Variants in IGF2 observed in about 807,000 individuals in gnomAD.
IGF2 encodes the protein insulin like growth factor 2.
In IGF2, 2 loss-of-function variants were observed where a neutral mutation model predicts 12.0. The ratio of observed to expected loss-of-function variants is 0.17; its 90% CI spans 0.07 to 0.52. IGF2 has a LOEUF of 0.52. Among genes scored for constraint, IGF2 ranks in the 20% least tolerant of loss-of-function variants. The pLI is 0.95. For missense variants in IGF2, 211 were observed against 268.0 expected, an observed-to-expected ratio of 0.79 and a Z score of 1.48; for synonymous variants, 105 against 110.1, an observed-to-expected ratio of 0.95 and a Z score of 0.29.
chr11:2,139,015 G>A lies in IGF2; in HGVS notation c.-793C>T. 1.0e-6 allele frequency: 1 copy of A among 970,044 alleles called. No individual in the cohort carries two copies. Among genetic ancestry groups the A allele is most frequent in the Non-Finnish European group, 1.2e-6 (1 of 818,192 alleles). 60.1% of individuals were successfully genotyped at this position (970,044 alleles called of 1,614,324 possible). A position where few individuals can be genotyped will look rare whatever the true frequency, so the allele number is the denominator to read the frequency against. ...CCGCTCCGGGACGCAGCGCGGAAAG[G>A]GGAGCGGCCCGAGGCTGCGCGCCGG... On this transcript the variant is annotated 5_prime_UTR_variant, in exon 1 of 4. Coordinates refer to ENST00000416167, the MANE Select transcript of IGF2 (RefSeq NM_000612.6).
chr11:2,137,143 GGAGTGGGATGGCAGCGGGGGT>G (rs1859124916), intron 1 of IGF2: 2 of 801,432 alleles, frequency 2.5e-6, no homozygotes, highest in South Asian at 1.1e-4. Flanking sequence ...GCCTCAGGCT[GGAGTGGGATGGCAGCGGGGGT>G]CCTCACTCCA....
chr11:2,140,971 C>A, upstream of IGF2: 2 of 291,460 alleles, frequency 6.9e-6, no homozygotes, highest in Non-Finnish European at 1.3e-5. Flanking sequence ...CGGGGCCAGT[C>A]CTCAGTGTCC....
At chr11:2,140,604 G>GGAC (rs1311534304), upstream of IGF2, 4 of 508,950 alleles carry the variant, frequency 7.9e-6, no homozygotes, top group Non-Finnish European at 1.4e-5. Flanking sequence ...CCCCACTTTG[G>GGAC]GACCCTCCAG....
chr11:2,143,750 G>A (rs1459066339), upstream of IGF2, among the ~76,000 whole-genome samples: 7 of 152,380 alleles, frequency 4.6e-5, no homozygotes, highest in African/African-American at 1.7e-4. Context: ...GTGACCCGTC[G>A]AAATGGTGAG....
At chr11:2,140,138 C>T (rs763799600), upstream of IGF2, 3 of 1,612,794 alleles carry the variant, frequency 1.9e-6, no homozygotes, top group Admixed American at 3.3e-5. Flanking sequence ...ATCCTACCTG[C>T]ATGGCCGAGC....
chr11:2,149,046 C>T, the IGF2 span: 20 of 1,342,178 alleles, frequency 1.5e-5, no homozygotes, highest in East Asian at 4.4e-4. Context: ...TGGCAGCTGC[C>T]CCAAGCTCCC....
chr11:2,133,508 G>A lies in IGF2; in HGVS notation c.306+9C>T, dbSNP rs771770531. ...TCTAGAGAGTGGGAAAGGGGCCCAG[G>A]ACCCTCACCGGAAGCACGGTCGGAG... On this transcript the variant is annotated intron_variant, in intron 3 of 3. Coordinates refer to ENST00000416167, the MANE Select transcript of IGF2 (RefSeq NM_000612.6). The surrounding 1 kb of genome is among the most constrained non-coding windows in gnomAD (Gnocchi z 8.9). 8 of 1,609,260 alleles carry A rather than the reference G, an allele frequency of 5.0e-6. No individual in the cohort carries two copies. The highest frequency in any genetic ancestry group is 4.4e-5 in the South Asian group (4 of 90,560).
the IGF2 span, chr11:2,148,906 C>T: frequency 1.7e-6 from 1 of 593,050 alleles, no homozygotes; most frequent in Non-Finnish European, 3.0e-6. The surrounding 1 kb of genome is among the most constrained non-coding windows in gnomAD (Gnocchi z 4.3). Flanking sequence ...TTTGTGCAGC[C>T]CTAAAGGAGA....
chr11:2,137,375 G>A (rs544775007), intron 1 of IGF2: 4 of 391,956 alleles, frequency 1.0e-5, no homozygotes, highest in Non-Finnish European at 6.6e-6. Flanking sequence ...TCTCCCTGCT[G>A]ACCACTCCCC....
chr11:2,145,627 G>A (rs528433451), upstream of IGF2, among the ~76,000 whole-genome samples: 80 of 152,346 alleles, frequency 5.3e-4, no homozygotes, highest in Non-Finnish European at 1.0e-3. Context: ...TGCATGCCTG[G>A]ACTTTTTAAG....
At chr11:2,137,983 G>C (rs1052848561) in intron 1 of IGF2, among the ~76,000 whole-genome samples, 2 of 151,952 alleles carry the variant, frequency 1.3e-5, no homozygotes, top group Admixed American at 1.3e-4. Context: ...CACCTCCCTC[G>C]GCCCTTCCCG....
At chr11:2,147,357 G>T in the IGF2 span, 1 of 388,544 alleles carries the variant, frequency 2.6e-6, no homozygotes, top group Non-Finnish European at 4.5e-6. This position sits in a 1 kb window ranked among gnomAD's most constrained non-coding sequence, Gnocchi z 7.2. Flanking sequence ...GGAGACTGCG[G>T]GGAACCTGCT....
At chr11:2,141,142 G>C (rs1302560359), upstream of IGF2, 1 of 184,360 alleles carries the variant, frequency 5.4e-6, no homozygotes, top group Non-Finnish European at 1.1e-5. Context: ...ACGCTAGAGA[G>C]AAATTTCCCA....
At chr11:2,140,504 C>A (rs543940351), upstream of IGF2, 12 of 573,328 alleles carry the variant, frequency 2.1e-5, no homozygotes, top group African/African-American at 2.2e-4. Flanking sequence ...GCGCGCCTCC[C>A]GGCGGAGTCC....
At chr11:2,135,155 C>G (rs1345748223) in intron 2 of IGF2, among the ~76,000 whole-genome samples, 1 of 152,174 alleles carries the variant, frequency 6.6e-6, no homozygotes, top group East Asian at 1.9e-4. Flanking sequence ...TCTGGCCCAC[C>G]CTTCGAAGGA....
At chr11:2,149,057 G>A in the IGF2 span, 130 of 1,440,678 alleles carry the variant, frequency 9.0e-5, no homozygotes, top group South Asian at 1.4e-4. Flanking sequence ...CCAAGCTCCC[G>A]GCCCACCCAC....
chr11:2,147,717 AG>A, the IGF2 span: 1 of 1,249,514 alleles, frequency 8.0e-7, no homozygotes. This position sits in a 1 kb window ranked among gnomAD's most constrained non-coding sequence, Gnocchi z 7.2. Flanking sequence ...CAGGCTGGGC[AG>A]GGGGCTGAGC....
chr11:2,140,664 C>A (rs1351174724), upstream of IGF2: 1 of 481,382 alleles, frequency 2.1e-6, no homozygotes, highest in Admixed American at 2.2e-5. Flanking sequence ...GAAAGTGGCG[C>A]GGATTTCGGG....
chr11:2,144,411 C>T (rs1859789224), upstream of IGF2, among the ~76,000 whole-genome samples: 1 of 152,208 alleles, frequency 6.6e-6, no homozygotes, highest in Non-Finnish European at 1.5e-5. Context: ...CCGGCCTGCC[C>T]CGGAGCTTTG....
Sources: allele counts gnomAD v4.1 joint callset (sites outside exome capture counted in the v4.1 genomes callset), GRCh38; gene constraint gnomAD v4.1.1; non-coding constraint Gnocchi (gnomAD v3.1); transcripts MANE v1.5; gene names NCBI Gene and HGNC (gene_info 2026-07-23, HGNC 2026-07-21).